The following THNSL1 variants were observed in gnomAD, a reference collection of about 807,000 sequenced individuals.
The protein encoded by THNSL1 is threonine synthase like 1.
A neutral mutation model predicts 50.4 loss-of-function variants in THNSL1; 48 were observed. That is an observed-to-expected ratio of 0.95 (90% CI 0.76 to 1.21). The LOEUF is 1.21. Ranked by LOEUF, THNSL1 falls within the 50% of genes most tolerant of loss-of-function variation. The pLI is 0.00. For missense variants in THNSL1, 896 were observed against 871.7 expected (o/e 1.03, Z -0.35); for synonymous variants, 309 against 306.1 (o/e 1.01, Z -0.10).
Position 25,025,232 on chromosome 10 carries a change from A to C in THNSL1, c.2009A>C (p.Lys670Thr). 1 of 1,614,208 alleles carries C rather than the reference A, an allele frequency of 6.2e-7. No homozygotes were observed. Residue 670 changes from lysine (K) to threonine (T), a missense_variant, in exon 3 of 3, where the codon AAG becomes ACG. Physicochemically the swap from Lys to Thr is moderately conservative, Grantham distance 78. Coordinates refer to ENST00000376356, the MANE Select transcript of THNSL1 (RefSeq NM_024838.5). Reference sequence around the variant, plus strand: ...ATCTCATCTACAGCCCATTACTCAAAGTTTGCACCTGCTATCATGCAGGCT... The same window carrying C: ...ATCTCATCTACAGCCCATTACTCAACGTTTGCACCTGCTATCATGCAGGCT... Reference protein sequence around the residue: ...VIISSTAHYSKFAPAIMQALK... With the variant: ...VIISSTAHYSTFAPAIMQALK...
the THNSL1 span, among the ~76,000 whole-genome samples, chr10:25,007,527 C>T: frequency 1.1e-4 from 16 of 152,242 alleles, no homozygotes; most frequent in African/African-American, 2.9e-4. Context: ...CTCCGCCTCC[C>T]GGGTTCACAC....
the THNSL1 span, among the ~76,000 whole-genome samples, chr10:24,969,482 A>G: frequency 2.0e-5 from 3 of 152,224 alleles, no homozygotes; most frequent in Admixed American, 2.0e-4. Context: ...TTTCTAACAA[A>G]TACTACAAGC....
chr10:25,005,749 C>G, the THNSL1 span, among the ~76,000 whole-genome samples: 1 of 152,210 alleles, frequency 6.6e-6, no homozygotes, highest in African/African-American at 2.4e-5. Context: ...TTCCCCCAGC[C>G]TGGTTGTCTG....
intron 1 of THNSL1, among the ~76,000 whole-genome samples, chr10:25,021,140 CA>C (rs1389782360): frequency 1.3e-5 from 2 of 152,188 alleles, no homozygotes; most frequent in African/African-American, 2.4e-5. Flanking sequence ...CTTGTACCTA[CA>C]TATTTGGGTT....
the THNSL1 span, chr10:24,984,382 GAA>G: frequency 3.5e-4 from 493 of 1,396,408 alleles, no homozygotes; most frequent in Admixed American, 1.1e-3. Flanking sequence ...ATGCGCTGCA[GAA>G]AAAAAAAAAA....
the THNSL1 span, among the ~76,000 whole-genome samples, chr10:25,005,215 C>G: frequency 6.6e-6 from 1 of 152,040 alleles, no homozygotes. Flanking sequence ...GCTCTATTTT[C>G]TATTTATTAT....
the THNSL1 span, among the ~76,000 whole-genome samples, chr10:24,999,009 T>C: frequency 7.2e-5 from 11 of 152,244 alleles, no homozygotes; most frequent in South Asian, 6.2e-4. Context: ...GTAGTAATGG[T>C]TGTAATTTTC....
chr10:24,953,019 C>T, the THNSL1 span, among the ~76,000 whole-genome samples: 1 of 152,062 alleles, frequency 6.6e-6, no homozygotes, highest in African/African-American at 2.4e-5. Flanking sequence ...AGCCCTCGGG[C>T]TAACAATCTC....
intron 1 of THNSL1, among the ~76,000 whole-genome samples, chr10:25,019,399 A>G (rs1412824345): frequency 6.6e-6 from 1 of 152,102 alleles, no homozygotes; most frequent in East Asian, 1.9e-4. Flanking sequence ...GCTTGAGCCT[A>G]GGAAGTCAAG....
At chr10:24,998,585 G>C in the THNSL1 span, among the ~76,000 whole-genome samples, 3 of 151,602 alleles carry the variant, frequency 2.0e-5, no homozygotes, top group Admixed American at 2.0e-4. Context: ...GTCTTGCTTT[G>C]TTGCCCAGGT....
the THNSL1 span, among the ~76,000 whole-genome samples, chr10:24,988,656 C>A: frequency 8.0e-6 from 1 of 124,438 alleles, no homozygotes; most frequent in Non-Finnish European, 1.7e-5. Context: ...TAGAGTGACA[C>A]AGCATATGTA....
the THNSL1 span, among the ~76,000 whole-genome samples, chr10:25,008,333 G>A: frequency 6.6e-6 from 1 of 152,124 alleles, no homozygotes; most frequent in South Asian, 2.1e-4. Context: ...TAAATTCTTG[G>A]CTGTAATTAG....
rs1028901293 is a variant in THNSL1 at position 25,021,910 on chromosome 10, T to C, written c.-49+2T>C. ...CCCTTGACGGCTCTAATTTTACTTG[T>C]AAGTTAAATTCAGAGTTAGCTTAAA... On this transcript the variant is annotated splice_donor_variant, in intron 2 of 2. Transcript: ENST00000376356. LOFTEE classifies it low-confidence loss of function (5UTR_SPLICE). The C allele has an allele frequency of 2.6e-5, 4 of 152,324 alleles. No individual in the cohort carries two copies. The highest frequency in any genetic ancestry group is 1.9e-4 in the East Asian group (1 of 5,192). 9.4% of individuals were successfully genotyped at this position (152,324 alleles called of 1,614,324 possible).
rs1290113932 is a variant in THNSL1 at position 25,023,842 on chromosome 10, G to T, written c.619G>T (p.Ala207Ser). 6.2e-7 allele frequency: 1 copy of T among 1,614,208 alleles called. No individual in the cohort carries two copies. The highest frequency in any genetic ancestry group is 1.1e-5 in the South Asian group (1 of 91,084). The change falls in exon 3 of 3, where the codon GCT becomes TCT. Residue 207 changes from alanine (A) to serine (S), a missense_variant. Coordinates refer to ENST00000376356, the MANE Select transcript of THNSL1 (RefSeq NM_024838.5). ...TGCTCGTGTTTTCTGTGAAAGTGGG[G>T]CTTCCCCAGAGGAGGTAGCTGACAA... ...YDARVFCESGASPEEVADKVL... is the reference protein window; with the variant it reads ...YDARVFCESGSSPEEVADKVL...
At chr10:24,982,936 T>C in the THNSL1 span, 2 of 152,364 alleles carry the variant, frequency 1.3e-5, no homozygotes, top group African/African-American at 4.8e-5. Flanking sequence ...CTTCAAAGCA[T>C]AATATCCATA....
At chr10:24,963,335 G>C in the THNSL1 span, among the ~76,000 whole-genome samples, 1 of 152,176 alleles carries the variant, frequency 6.6e-6, no homozygotes, top group Admixed American at 6.6e-5. Flanking sequence ...TGTTACCTGT[G>C]ACCTTTCTGT....
chr10:25,025,244 CTATCATGCAGGCTT>C lies in THNSL1; in HGVS notation c.2024_2037del (p.Ile675LysfsTer3). 6.2e-7 allele frequency: 1 copy of C among 1,614,204 alleles called. No homozygotes were observed. Reference sequence around the variant, plus strand: ...GCCCATTACTCAAAGTTTGCACCTGCTATCATGCAGGCTTTAAAGATTAAAGAAATCAATGAGAC... The same window carrying C: ...GCCCATTACTCAAAGTTTGCACCTGCTAAAGATTAAAGAAATCAATGAGAC... On this transcript the variant is annotated frameshift_variant, in exon 3 of 3. Coordinates refer to ENST00000376356, the MANE Select transcript of THNSL1 (RefSeq NM_024838.5). LOFTEE classifies it high-confidence loss of function.
the THNSL1 span, among the ~76,000 whole-genome samples, chr10:24,962,537 G>C: frequency 6.6e-6 from 1 of 152,086 alleles, no homozygotes; most frequent in South Asian, 2.1e-4. Context: ...TAAATGGATC[G>C]AATTTTAAAA....
the THNSL1 span, chr10:24,953,260 C>T: frequency 6.5e-6 from 1 of 152,846 alleles, no homozygotes; most frequent in Non-Finnish European, 1.5e-5. Flanking sequence ...CCACCTTCCC[C>T]CACCTCCCTC....
Sources: allele counts gnomAD v4.1 joint callset (sites outside exome capture counted in the v4.1 genomes callset), GRCh38; gene constraint gnomAD v4.1.1; transcripts MANE v1.5; gene names NCBI Gene and HGNC (gene_info 2026-07-23, HGNC 2026-07-21).